OR2AJ1: variants seen among roughly 807,000 people sequenced by gnomAD.
OR2AJ1 encodes the protein olfactory receptor 2AJ1.
For missense variants in OR2AJ1, 280 were observed against 163.2 expected (o/e 1.72, Z -3.90); for synonymous variants, 105 against 60.3 (o/e 1.74, Z -3.44).
chr1:247,928,144 G>A (rs1177578161), intron 1 of OR2AJ1, among the ~76,000 whole-genome samples: 1 of 152,066 alleles, frequency 6.6e-6, no homozygotes, highest in African/African-American at 2.4e-5. Context: ...TGTATAAGAT[G>A]TCTCTTTCTC....
At chr1:247,930,079 TAGTC>T (rs532908681) in intron 1 of OR2AJ1, among the ~76,000 whole-genome samples, 6 of 152,298 alleles carry the variant, frequency 3.9e-5, no homozygotes, top group South Asian at 4.1e-4. Flanking sequence ...TTTTTAAAAA[TAGTC>T]AGTCACTAAC....
intron 1 of OR2AJ1, among the ~76,000 whole-genome samples, chr1:247,926,209 AAT>A: frequency 6.6e-6 from 1 of 152,286 alleles, no homozygotes; most frequent in Admixed American, 6.5e-5. Context: ...TTTTGATTTA[AAT>A]ATAAAAATTT....
At chr1:247,932,136 C>T (rs1015063220) in intron 1 of OR2AJ1, among the ~76,000 whole-genome samples, 9 of 152,238 alleles carry the variant, frequency 5.9e-5, no homozygotes, top group South Asian at 4.1e-4. Flanking sequence ...GTCAAGAGTT[C>T]GAGACCAGCC....
intron 1 of OR2AJ1, among the ~76,000 whole-genome samples, chr1:247,929,731 A>G (rs1660132502): frequency 6.6e-6 from 1 of 152,094 alleles, no homozygotes; most frequent in Non-Finnish European, 1.5e-5. Flanking sequence ...CATTTCAGAC[A>G]TAATTTAATG....
rs748874659 is a variant in OR2AJ1, at chr1:247,934,205, G to T, written c.437G>T (p.Gly146Val). Reference sequence around the variant, plus strand: ...GAGTATGCCAGCGCTCTCATGGCTGGAGGCTCCTGGCTCATTGGGGTTTTC... The same window carrying T: ...GAGTATGCCAGCGCTCTCATGGCTGTAGGCTCCTGGCTCATTGGGGTTTTC... ...MKEYASALMA[G>V]GSWLIGVFNS... is the part of the protein sequence containing the mutation. The change falls in exon 2 of 2, where the codon GGA becomes GTA. Residue 146 changes from glycine to valine, a missense_variant. Gly to Val is a moderately radical substitution (Grantham distance 109, BLOSUM62 -3). Transcript: ENST00000318244. 1.4e-6 allele frequency: 1 copy of T among 718,498 alleles called. No homozygotes were observed. Among genetic ancestry groups the T allele is most frequent in the Non-Finnish European group, 2.6e-6 (1 of 385,678 alleles). 44.5% of individuals were successfully genotyped at this position (718,498 alleles called of 1,614,324 possible).
chr1:247,933,749 TA>T lies in OR2AJ1; in HGVS notation c.-14del, dbSNP rs1558371680. ...ATTAATTCATTATTTCTTTTTAGGT[TA>T]AAAAATAGAGAATTCATGATGGGCC... On this transcript the variant is annotated 5_prime_UTR_variant, in exon 2 of 2. The change abolishes the stop of an existing upstream ORF in the 5' untranslated region. Coordinates refer to ENST00000318244, the MANE Select transcript of OR2AJ1 (RefSeq NM_001355235.2). 1 of 569,408 alleles carries T rather than the reference TA, an allele frequency of 1.8e-6. No individual in the cohort carries two copies. The highest frequency in any genetic ancestry group is 3.2e-6 in the Non-Finnish European group (1 of 313,672). The allele number at this position is 569,408 out of a possible 1,614,324, so 35.3% of individuals were successfully genotyped here.
intron 1 of OR2AJ1, among the ~76,000 whole-genome samples, chr1:247,928,598 C>T (rs1434030330): frequency 6.6e-6 from 1 of 152,088 alleles, no homozygotes; most frequent in Admixed American, 6.6e-5. Context: ...TGAAGCATTT[C>T]CCTTAAAACA....
chr1:247,932,558 ATACT>A (rs1660165994), intron 1 of OR2AJ1, among the ~76,000 whole-genome samples: 1 of 152,210 alleles, frequency 6.6e-6, no homozygotes, highest in African/African-American at 2.4e-5. Flanking sequence ...TGTCGGTGAC[ATACT>A]TCTGCATTTA....
chr1:247,930,736 C>T (rs149485014), intron 1 of OR2AJ1, among the ~76,000 whole-genome samples: 15 of 152,268 alleles, frequency 9.9e-5, no homozygotes, highest in African/African-American at 3.4e-4. Flanking sequence ...AAGTCTCACA[C>T]ACACATACCC....
chr1:247,928,860 C>T (rs1425689219), intron 1 of OR2AJ1, among the ~76,000 whole-genome samples: 1 of 152,050 alleles, frequency 6.6e-6, no homozygotes, highest in Non-Finnish European at 1.5e-5. Flanking sequence ...TTTGGGAGGC[C>T]GAGGCGGGCG....
chr1:247,928,786 A>G (rs936509097), intron 1 of OR2AJ1, among the ~76,000 whole-genome samples: 1 of 152,110 alleles, frequency 6.6e-6, no homozygotes, highest in Non-Finnish European at 1.5e-5. Flanking sequence ...ATACATCATC[A>G]TATCCATATG....
intron 1 of OR2AJ1, among the ~76,000 whole-genome samples, chr1:247,929,095 C>CA (rs928979327): frequency 8.6e-5 from 13 of 151,366 alleles, no homozygotes; most frequent in East Asian, 3.9e-4. Context: ...TTAGAAGGGC[C>CA]AAAAAAAATG....
chr1:247,932,567 C>A (rs1420740298), intron 1 of OR2AJ1, among the ~76,000 whole-genome samples: 2 of 152,066 alleles, frequency 1.3e-5, no homozygotes, highest in Non-Finnish European at 2.9e-5. Context: ...CATACTTCTG[C>A]ATTTATTTTA....
chr1:247,932,425 TTTTC>T, intron 1 of OR2AJ1, among the ~76,000 whole-genome samples: 1 of 152,334 alleles, frequency 6.6e-6, no homozygotes, highest in East Asian at 1.9e-4. Context: ...GGTGCTTATC[TTTTC>T]TAACTCTTCT....
chr1:247,934,060 G>C lies in OR2AJ1; in HGVS notation c.292G>C (p.Gly98Arg), dbSNP rs1193573404. ...GSRTISFAGC[G>R]FQVFLSLTLL... ...CAGAACTATTTCATTTGCAGGTTGTGGGTTCCAGGTATTTCTGTCCCTCAC... is the reference window on the plus strand; with the variant it reads ...CAGAACTATTTCATTTGCAGGTTGTCGGTTCCAGGTATTTCTGTCCCTCAC... The change falls in exon 2 of 2, where the codon GGG becomes CGG. Residue 98 changes from glycine to arginine, a missense_variant. Coordinates refer to ENST00000318244, the MANE Select transcript of OR2AJ1 (RefSeq NM_001355235.2). 1 of 717,702 alleles carries C rather than the reference G, an allele frequency of 1.4e-6. No homozygotes were observed. Among genetic ancestry groups the C allele is most frequent in the South Asian group, 1.5e-5 (1 of 67,604 alleles). The allele number at this position is 717,702 out of a possible 1,614,324, so 44.5% of individuals were successfully genotyped here. A position where few individuals can be genotyped will look rare whatever the true frequency, so the allele number is the denominator to read the frequency against.
At position 247,934,894 on chromosome 1, in the gene OR2AJ1, A is replaced by G. The variant is rs777393527; in HGVS notation, c.*139A>G. On this transcript the variant is annotated 3_prime_UTR_variant, in exon 2 of 2. Coordinates refer to ENST00000318244, the MANE Select transcript of OR2AJ1 (RefSeq NM_001355235.2). ...GTTTGTGTTGTAAACACGTACCTCTAAAAATGTAGTGTTCCTTCTGTGGTA... is the reference window on the plus strand; with the variant it reads ...GTTTGTGTTGTAAACACGTACCTCTGAAAATGTAGTGTTCCTTCTGTGGTA... 3.6e-5 allele frequency: 21 copies of G among 576,436 alleles called. No homozygotes were observed. The highest frequency in any genetic ancestry group is 6.4e-5 in the Non-Finnish European group (21 of 327,972). 35.7% of individuals were successfully genotyped at this position (576,436 alleles called of 1,614,324 possible). A position where few individuals can be genotyped will look rare whatever the true frequency, so the allele number is the denominator to read the frequency against.
At position 247,932,937 on chromosome 1, in the gene OR2AJ1, G is replaced by A. The variant is rs894193442; in HGVS notation, c.-22-810G>A. 5.8e-4 allele frequency among the ~76,000 whole-genome samples: 88 copies of A among 152,100 alleles called. 3 individuals are homozygous for A. Among genetic ancestry groups the A allele is most frequent in the Non-Finnish European group, 2.1e-4 (14 of 68,010 alleles). The stretch of plus-strand genomic sequence containing the variant: ...ACAAGTTAACCAAACACGTAAATAT[G>A]AAATACAACCTTAAAGACACATTGT... On this transcript the variant is annotated intron_variant, in intron 1 of 1. Transcript: ENST00000318244.
intron 1 of OR2AJ1, among the ~76,000 whole-genome samples, chr1:247,930,048 C>A (rs1660135459): frequency 6.6e-6 from 1 of 152,038 alleles, no homozygotes; most frequent in Non-Finnish European, 1.5e-5. Context: ...CACTGTAGTC[C>A]AGTGAAATAC....
At chr1:247,927,497 G>GGTGTGTGTGTGT (rs55762045) in intron 1 of OR2AJ1, among the ~76,000 whole-genome samples, 2 of 148,334 alleles carry the variant, frequency 1.3e-5, no homozygotes, top group African/African-American at 5.0e-5. Context: ...ACATTTAGGG[G>GGTGTGTGTGTGT]GTGTGTGTGT....
Sources: allele counts gnomAD v4.1 joint callset (sites outside exome capture counted in the v4.1 genomes callset), GRCh38; gene constraint gnomAD v4.1.1; transcripts MANE v1.5; gene names NCBI Gene and HGNC (gene_info 2026-07-23, HGNC 2026-07-21).